Variants in IL1RAPL2 observed in about 807,000 individuals in gnomAD.
IL1RAPL2 encodes the protein interleukin 1 receptor accessory protein like 2.
IL1RAPL2 carries 3 observed loss-of-function variants against 44.1 expected under a neutral mutation model. The observed-to-expected ratio is 0.07, with a 90% CI of 0.03 to 0.18. The LOEUF (loss-of-function observed/expected upper bound fraction) is 0.18, where lower values mean the gene tolerates loss of function less well. Among genes scored for constraint, IL1RAPL2 ranks in the 10% least tolerant of loss-of-function variants. The pLI, the probability that IL1RAPL2 is intolerant of heterozygous loss-of-function variation, is 1.00. For synonymous variants in IL1RAPL2, 181 were observed against 178.8 expected (o/e 1.01, Z -0.10); for missense variants, 391 against 496.4 (o/e 0.79, Z 2.02).
chrX:105,508,238 T>C (rs2036444961), intron 6 of IL1RAPL2, among the ~76,000 whole-genome samples: 1 of 111,078 alleles, frequency 9.0e-6, no homozygotes, highest in Non-Finnish European at 1.9e-5. Flanking sequence ...ACCTTGACAA[T>C]ACTAGGCCCA....
chrX:104,852,326 T>A (rs765010666), intron 2 of IL1RAPL2, among the ~76,000 whole-genome samples: 4 of 112,215 alleles, frequency 3.6e-5, no homozygotes, highest in African/African-American at 6.5e-5. Flanking sequence ...CAAGGATCAA[T>A]AACAAAGGTG....
At chrX:104,886,556 G>T (rs915873559) in intron 2 of IL1RAPL2, among the ~76,000 whole-genome samples, 1 of 112,482 alleles carries the variant, frequency 8.9e-6, no homozygotes, top group African/African-American at 3.2e-5. Flanking sequence ...TAAATGGTCA[G>T]TGGAGACTAG....
intron 2 of IL1RAPL2, among the ~76,000 whole-genome samples, chrX:104,977,819 C>T (rs753384144): frequency 1.8e-5 from 2 of 112,274 alleles, no homozygotes; most frequent in Admixed American, 1.9e-4. Context: ...GGCAGTTCTG[C>T]AGTTATATCT....
At chrX:105,189,113 T>C in intron 2 of IL1RAPL2, among the ~76,000 whole-genome samples, 1 of 112,656 alleles carries the variant, frequency 8.9e-6, no homozygotes, top group Non-Finnish European at 1.9e-5. Flanking sequence ...CATTAAAATA[T>C]TAGGAAAAAG....
At chrX:105,086,789 A>C (rs2032485718) in intron 2 of IL1RAPL2, among the ~76,000 whole-genome samples, 2 of 110,362 alleles carry the variant, frequency 1.8e-5, no homozygotes, top group Non-Finnish European at 1.9e-5. Flanking sequence ...TTATAATAAA[A>C]TAAATAATTA....
At chrX:105,553,668 T>A (rs1419066527) in intron 6 of IL1RAPL2, among the ~76,000 whole-genome samples, 3 of 112,270 alleles carry the variant, frequency 2.7e-5, no homozygotes, top group Admixed American at 9.4e-5. Context: ...TTTATGCTAT[T>A]ATCTTAATAA....
chrX:105,274,884 C>T (rs918904095), intron 5 of IL1RAPL2, among the ~76,000 whole-genome samples: 1 of 111,351 alleles, frequency 9.0e-6, no homozygotes, highest in Non-Finnish European at 1.9e-5. Context: ...ACCTTAGTGC[C>T]CATAATATCT....
At chrX:104,722,387 T>A (rs1419416132) in intron 2 of IL1RAPL2, among the ~76,000 whole-genome samples, 2 of 111,935 alleles carry the variant, frequency 1.8e-5, no homozygotes, top group Non-Finnish European at 3.8e-5. Context: ...ATGGGTCATA[T>A]ATAGAAACAT....
chrX:105,100,230 A>G (rs1364520575), intron 2 of IL1RAPL2, among the ~76,000 whole-genome samples: 1 of 111,820 alleles, frequency 8.9e-6, no homozygotes, highest in African/African-American at 3.3e-5. Context: ...CACAGTTTCA[A>G]GTATCCACTG....
chrX:105,694,297 A>C (rs1017880803), intron 6 of IL1RAPL2, among the ~76,000 whole-genome samples: 1 of 111,965 alleles, frequency 8.9e-6, no homozygotes, highest in Non-Finnish European at 1.9e-5. Context: ...GGGCAATTAG[A>C]GTAACGCAGG....
intron 6 of IL1RAPL2, among the ~76,000 whole-genome samples, chrX:105,707,875 G>C (rs1640766091): frequency 9.0e-6 from 1 of 110,965 alleles, no homozygotes; most frequent in African/African-American, 3.3e-5. Flanking sequence ...AAGGAAGTCA[G>C]GGATGGCTTC....
At chrX:104,632,467 C>G (rs1465725127) in intron 1 of IL1RAPL2, among the ~76,000 whole-genome samples, 1 of 111,413 alleles carries the variant, frequency 9.0e-6, no homozygotes, top group African/African-American at 3.3e-5. Context: ...ATTCTTCCTA[C>G]CCATGAGCAT....
chrX:104,805,744 A>G (rs1461391806), intron 2 of IL1RAPL2, among the ~76,000 whole-genome samples: 1 of 112,207 alleles, frequency 8.9e-6, no homozygotes, highest in East Asian at 2.8e-4. Flanking sequence ...CATACTTACT[A>G]TGTGCTAGGC....
At chrX:104,730,494 T>C (rs1931889068) in intron 2 of IL1RAPL2, among the ~76,000 whole-genome samples, 1 of 104,870 alleles carries the variant, frequency 9.5e-6, no homozygotes, top group African/African-American at 3.4e-5. Context: ...GTCCTTGTGA[T>C]AGTTTACTGA....
chrX:104,588,091 G>A (rs1928596990), intron 1 of IL1RAPL2, among the ~76,000 whole-genome samples: 1 of 111,756 alleles, frequency 8.9e-6, no homozygotes, highest in South Asian at 3.7e-4. Context: ...AGCCCATGCT[G>A]CGTATCACCT....
At chrX:105,624,514 G>T (rs2037440360) in intron 6 of IL1RAPL2, among the ~76,000 whole-genome samples, 2 of 111,413 alleles carry the variant, frequency 1.8e-5, no homozygotes, top group Admixed American at 9.6e-5. Context: ...CCTAGTTTGT[G>T]CCCTCGCATC....
intron 5 of IL1RAPL2, among the ~76,000 whole-genome samples, chrX:105,447,548 TATAA>T (rs1468245739): frequency 5.5e-5 from 4 of 73,345 alleles, no homozygotes; most frequent in African/African-American, 2.2e-4. Context: ...AATATATAAA[TATAA>T]ATAAATATAA....
chrX:105,118,369 CATCCCCA>C (rs2032884259), intron 2 of IL1RAPL2, among the ~76,000 whole-genome samples: 1 of 112,336 alleles, frequency 8.9e-6, no homozygotes, highest in Non-Finnish European at 1.9e-5. Flanking sequence ...GAGGAAAGGA[CATCCCCA>C]GGAAGCCACT....
intron 2 of IL1RAPL2, among the ~76,000 whole-genome samples, chrX:104,956,116 C>T (rs1925704326): frequency 8.9e-6 from 1 of 112,092 alleles, no homozygotes; most frequent in Non-Finnish European, 1.9e-5. Context: ...AGAGCCTGAT[C>T]TCTTCTGTTG....
Sources: gnomAD v4.1 joint callset for allele counts (sites outside exome capture counted in the v4.1 genomes callset) on GRCh38, gnomAD v4.1.1 for gene constraint, MANE v1.5 for transcripts, NCBI Gene and HGNC (gene_info 2026-07-23, HGNC 2026-07-21) for gene names.